ZNFX1: variants seen among roughly 807,000 people sequenced by gnomAD.
ZNFX1 encodes the protein zinc finger NFX1-type containing 1.
Under a neutral mutation model 179.8 loss-of-function variants are expected in ZNFX1, and 78 were observed. The ratio of observed to expected loss-of-function variants is 0.43; its 90% confidence interval spans 0.36 to 0.52. ZNFX1 has a LOEUF of 0.52. ZNFX1 is among the 20% of genes least tolerant of loss of function. The pLI is 0.00. For synonymous variants in ZNFX1, 848 were observed against 868.5 expected (o/e 0.98, Z 0.42); for missense variants, 1,927 against 2,386.6 (o/e 0.81, Z 4.01).
chr20:49,262,503 T>A (rs779880725), intron 6 of ZNFX1, among the ~76,000 whole-genome samples: 3 of 152,196 alleles, frequency 2.0e-5, no homozygotes, highest in Non-Finnish European at 2.9e-5. Context: ...GACTGTTTAT[T>A]ACTGAATGGC....
rs1301033611 is a variant in ZNFX1 at position 49,264,750 on chromosome 20, T to C, written c.2117A>G (p.Asn706Ser). The stretch of plus-strand genomic sequence containing the variant: ...GGCCCTTCGGAGGTGCATGGGGAGG[T>C]TGCGGCGGAATTCCCGCTTGTTCCT... Reference protein sequence around the residue: ...ELRNKREFRRNLPMHLRRAYM... With the variant: ...ELRNKREFRRSLPMHLRRAYM... The change falls in exon 5 of 14, where the codon AAC becomes AGC. Residue 706 changes from asparagine to serine, a missense_variant. Asn to Ser is a conservative substitution (Grantham distance 46). Coordinates refer to ENST00000396105, the MANE Select transcript of ZNFX1 (RefSeq NM_021035.3). 1 of 1,613,944 alleles carries C rather than the reference T, an allele frequency of 6.2e-7. No individual in the cohort carries two copies. Among genetic ancestry groups the C allele is most frequent in the East Asian group, 2.2e-5 (1 of 44,882 alleles).
chr20:49,257,756 C>T (rs1177453728), intron 7 of ZNFX1, 92 bp from the exon 8 acceptor site: 15 of 1,459,590 alleles, frequency 1.0e-5, no homozygotes, highest in East Asian at 7.4e-5. Flanking sequence ...GGGTGGAGTG[C>T]GGTGGTGCGA....
At position 49,249,350 on chromosome 20, in the gene ZNFX1, T is replaced by C; in HGVS notation, c.3674A>G (p.Lys1225Arg). ...NRICVALSRA[K>R]KGMYCIGNMQ... ...GTTTCCGATGCAGTACATTCCCTTC[T>C]TGGCTCGGGACAAGGCCACACAGAT... The change falls in exon 14 of 14, where the codon AAG becomes AGG. Residue 1225 changes from lysine (K) to arginine (R), a missense_variant. Physicochemically the swap from Lys to Arg is conservative, Grantham distance 26. Coordinates refer to ENST00000396105, the MANE Select transcript of ZNFX1 (RefSeq NM_021035.3). 2 of 1,614,238 alleles carry C rather than the reference T, an allele frequency of 1.2e-6. No homozygotes were observed. Among genetic ancestry groups the C allele is most frequent in the South Asian group, 2.2e-5 (2 of 91,082 alleles).
intron 2 of ZNFX1, among the ~76,000 whole-genome samples, chr20:49,273,974 T>C (rs1981488901): frequency 6.6e-6 from 1 of 152,232 alleles, no homozygotes; most frequent in African/African-American, 2.4e-5. Flanking sequence ...GAGCCCATAG[T>C]TCTTCCTCAT....
intron 4 of ZNFX1, among the ~76,000 whole-genome samples, chr20:49,265,566 T>C (rs78615597): frequency 0.015 from 2,334 of 152,290 alleles, 61 homozygotes; most frequent in South Asian, 0.071. Flanking sequence ...AAGGGAGGTA[T>C]AGAAGAATAA....
chr20:49,266,037 T>G, intron 4 of ZNFX1, 98 bp downstream of exon 4: 1 of 1,379,884 alleles, frequency 7.2e-7, no homozygotes, highest in Non-Finnish European at 1.0e-6. Context: ...TGATAAGGAC[T>G]GTTGACTTTG....
At chr20:49,260,066 A>G (rs1176171001) in intron 7 of ZNFX1, among the ~76,000 whole-genome samples, 3 of 152,200 alleles carry the variant, frequency 2.0e-5, no homozygotes, top group Non-Finnish European at 2.9e-5. Context: ...GTTTTTAATG[A>G]GCACTTTTCA....
At chr20:49,274,500 G>A (rs1981502399) in intron 2 of ZNFX1, among the ~76,000 whole-genome samples, 1 of 152,202 alleles carries the variant, frequency 6.6e-6, no homozygotes, top group African/African-American at 2.4e-5. Context: ...GCTCACGCCT[G>A]TAATGCTAGC....
Position 49,270,604 on chromosome 20 carries a change from C to G in ZNFX1, c.1208G>C (p.Arg403Thr), listed in dbSNP as rs1981358531. 5.6e-6 allele frequency: 9 copies of G among 1,614,216 alleles called. No homozygotes were observed. In the East Asian group the frequency reaches 2.0e-4, roughly 36 times the overall value. Residue 403 changes from arginine to threonine, a missense_variant, in exon 3 of 14, where the codon AGA becomes ACA. Arg to Thr is a moderately conservative substitution (Grantham distance 71). Transcript: ENST00000396105. This position sits in a 1 kb window ranked among gnomAD's most constrained non-coding sequence, Gnocchi z 4.6. ...QSFEDQGLRK[R>T]KFDDIRIYFD... The stretch of plus-strand genomic sequence containing the variant: ...GTAGATTCGGATGTCATCAAACTTT[C>G]TCTTCCTCAGGCCCTGGTCTTCAAA...
At position 49,264,870 on chromosome 20, in the gene ZNFX1, G is replaced by A; in HGVS notation, c.2003-6C>T. 1.2e-6 allele frequency: 2 copies of A among 1,614,140 alleles called. No homozygotes were observed. The highest frequency in any genetic ancestry group is 8.5e-7 in the Non-Finnish European group (1 of 1,180,020). Reference sequence around the variant, plus strand: ...CTTCTGACAATTGTAGATGCCTGTGGAACAAAGTGGAGCATGGCAGGGTTG... The same window carrying A: ...CTTCTGACAATTGTAGATGCCTGTGAAACAAAGTGGAGCATGGCAGGGTTG... On this transcript the variant is annotated splice_region_variant and splice_polypyrimidine_tract_variant and intron_variant, in intron 4 of 13. Coordinates refer to ENST00000396105, the MANE Select transcript of ZNFX1 (RefSeq NM_021035.3).
rs747789875 is a variant in ZNFX1, at chr20:49,247,971, A to C, written c.5053T>G (p.Leu1685Val). 6.2e-7 allele frequency: 1 copy of C among 1,613,924 alleles called. No homozygotes were observed. The highest frequency in any genetic ancestry group is 8.5e-7 in the Non-Finnish European group (1 of 1,179,972). Residue 1685 changes from leucine to valine, a missense_variant, in exon 14 of 14, where the codon TTA becomes GTA. Physicochemically the swap from Leu to Val is conservative, Grantham distance 32. Transcript: ENST00000396105. ...HQLLPEDFLM[L>V]KEKLAQKNLS... ...TTTTTCTGGGCCAGCTTCTCCTTTAACATCAGGAAGTCTTCAGGAAGCAGC... is the reference window on the plus strand; with the variant it reads ...TTTTTCTGGGCCAGCTTCTCCTTTACCATCAGGAAGTCTTCAGGAAGCAGC...
chr20:49,276,032 A>T, intron 1 of ZNFX1, 145 bp from the exon 2 acceptor site: 1 of 573,194 alleles, frequency 1.7e-6, no homozygotes, highest in Non-Finnish European at 3.1e-6. Context: ...TCTAGAGCAC[A>T]AGTGCTCGAC....
intron 7 of ZNFX1, among the ~76,000 whole-genome samples, chr20:49,260,120 A>G (rs1344049634): frequency 6.6e-6 from 1 of 151,980 alleles, no homozygotes; most frequent in African/African-American, 2.4e-5. Context: ...TGCCTGTTAA[A>G]AGTCTTTTAT....
intron 2 of ZNFX1, among the ~76,000 whole-genome samples, chr20:49,273,347 T>C (rs1981470280): frequency 6.6e-6 from 1 of 152,056 alleles, no homozygotes; most frequent in Non-Finnish European, 1.5e-5. Context: ...TTAGCCTCGA[T>C]GGTCTCAATC....
Position 49,249,086 on chromosome 20 carries a change from T to C in ZNFX1, c.3938A>G (p.His1313Arg). The C allele has an allele frequency of 6.2e-7, 1 of 1,614,212 alleles. No homozygotes were observed. Among genetic ancestry groups the C allele is most frequent in the Non-Finnish European group, 8.5e-7 (1 of 1,180,036 alleles). The change falls in exon 14 of 14, where the codon CAC (histidine) becomes CGC (arginine). Residue 1313 changes from histidine (H) to arginine (R), a missense_variant. Coordinates refer to ENST00000396105, the MANE Select transcript of ZNFX1 (RefSeq NM_021035.3). The stretch of plus-strand genomic sequence containing the variant: ...TGGCTTCATGCATTGGAACTCCTTG[T>C]GTGAAGAGTCATAAGGGTGGCAGGC... ...TRACHPYDSS[H>R]KEFQCMKPCQ...
rs753878365 is a variant in ZNFX1 at position 49,248,718 on chromosome 20, C to A, written c.4306G>T (p.Gly1436Cys). 1.2e-6 allele frequency: 2 copies of A among 1,612,886 alleles called. No individual in the cohort carries two copies. Among genetic ancestry groups the A allele is most frequent in the South Asian group, 1.1e-5 (1 of 91,090 alleles). The change falls in exon 14 of 14, where the codon GGC becomes TGC. Residue 1436 changes from glycine to cysteine, a missense_variant. Coordinates refer to ENST00000396105, the MANE Select transcript of ZNFX1 (RefSeq NM_021035.3). This position sits in a 1 kb window ranked among gnomAD's most constrained non-coding sequence, Gnocchi z 4.6. ...GLLVKCTTKC[G>C]TILDCGHPCP... Reference sequence around the variant, plus strand: ...GGATGCCCGCAGTCCAAGATAGTGCCACACTTTGTGGTACACTTGACTAGC... The same window carrying A: ...GGATGCCCGCAGTCCAAGATAGTGCAACACTTTGTGGTACACTTGACTAGC...
At chr20:49,272,313 A>G in intron 2 of ZNFX1, among the ~76,000 whole-genome samples, 1 of 151,572 alleles carries the variant, frequency 6.6e-6, no homozygotes. Context: ...AGCAGCTGGG[A>G]TTACACACAC....
rs770977004 is a variant in ZNFX1, at chr20:49,271,500, C to T, written c.312G>A (p.Arg104=). The T allele has an allele frequency of 1.9e-6, 3 of 1,614,176 alleles. No individual in the cohort carries two copies. The highest frequency in any genetic ancestry group is 2.2e-5 in the East Asian group (1 of 44,882). Residue 104 remains arginine (R), a synonymous_variant, in exon 3 of 14, where the codon AGG becomes AGA. Coordinates refer to ENST00000396105, the MANE Select transcript of ZNFX1 (RefSeq NM_021035.3). ...DQRHDQENDT[R]WRNGNQDCRN... ...TACAGTCCTGGTTGCCATTTCTCCACCTGGTGTCATTCTCCTGGTCATGTC... is the reference window on the plus strand; with the variant it reads ...TACAGTCCTGGTTGCCATTTCTCCATCTGGTGTCATTCTCCTGGTCATGTC...
chr20:49,267,239 T>A (rs1313708189), intron 3 of ZNFX1, among the ~76,000 whole-genome samples: 1 of 152,218 alleles, frequency 6.6e-6, no homozygotes, highest in Non-Finnish European at 1.5e-5. Context: ...GTAGACACTG[T>A]CCTCAAAAAT....
Sources: allele counts gnomAD v4.1 joint callset (sites outside exome capture counted in the v4.1 genomes callset), GRCh38; gene constraint gnomAD v4.1.1; non-coding constraint Gnocchi (gnomAD v3.1); transcripts MANE v1.5; gene names NCBI Gene and HGNC (gene_info 2026-07-23, HGNC 2026-07-21).